PACRG: variants seen among roughly 807,000 people sequenced by gnomAD.
The protein encoded by PACRG is parkin coregulated, also known as parkin coregulated gene protein.
Under a neutral mutation model 29.7 loss-of-function variants are expected in PACRG, and 29 were observed. The ratio of observed to expected loss-of-function variants is 0.98; its 90% CI spans 0.73 to 1.33. The LOEUF is 1.33. Among genes scored for constraint, PACRG ranks in the 40% most tolerant of loss-of-function variants. The pLI is 0.00. For synonymous variants in PACRG, 116 were observed against 118.7 expected (o/e 0.98, Z 0.15); for missense variants, 279 against 316.2 (o/e 0.88, Z 0.89).
intron 4 of PACRG, chr6:163,310,723 T>G (rs1344016757): frequency 1.3e-5 from 2 of 152,214 alleles, no homozygotes; most frequent in Admixed American, 1.3e-4. Flanking sequence ...GCACACAGTC[T>G]AGAATTGAAA....
At chr6:163,084,208 T>C (rs1488311903) in intron 3 of PACRG, among the ~76,000 whole-genome samples, 1 of 152,220 alleles carries the variant, frequency 6.6e-6, no homozygotes, top group African/African-American at 2.4e-5. Context: ...TCCTCACTTA[T>C]GTCTTGACAA....
At chr6:163,034,151 C>T (rs1674932996) in intron 2 of PACRG, among the ~76,000 whole-genome samples, 1 of 152,180 alleles carries the variant, frequency 6.6e-6, no homozygotes, top group Admixed American at 6.5e-5. Context: ...GAAAGACCCA[C>T]CCATTGCAGC....
intron 4 of PACRG, among the ~76,000 whole-genome samples, chr6:163,186,895 T>C (rs1779965208): frequency 6.6e-6 from 1 of 152,198 alleles, no homozygotes; most frequent in African/African-American, 2.4e-5. Context: ...AAGACCAATT[T>C]GACGGTTGTT....
chr6:162,968,483 A>G (rs1287867824), intron 2 of PACRG, among the ~76,000 whole-genome samples: 1 of 152,210 alleles, frequency 6.6e-6, no homozygotes, highest in African/African-American at 2.4e-5. Context: ...AAGCAAGAAC[A>G]AAACAGCATT....
At chr6:163,303,890 C>T (rs1480692300) in intron 4 of PACRG, among the ~76,000 whole-genome samples, 1 of 151,532 alleles carries the variant, frequency 6.6e-6, no homozygotes. Flanking sequence ...GTGGCGGGCG[C>T]CTGTAATCTC....
chr6:162,933,039 T>C (rs565449426), intron 2 of PACRG, among the ~76,000 whole-genome samples: 1 of 152,080 alleles, frequency 6.6e-6, no homozygotes, highest in Non-Finnish European at 1.5e-5. Flanking sequence ...GTATCTCATA[T>C]GATTTGGTAT....
intron 4 of PACRG, among the ~76,000 whole-genome samples, chr6:163,146,261 G>A (rs1249033301): frequency 6.6e-6 from 1 of 152,116 alleles, no homozygotes; most frequent in Non-Finnish European, 1.5e-5. Context: ...ACCACTTCCT[G>A]ACCACAGCAA....
At chr6:162,783,316 C>T (rs886475649) in intron 1 of PACRG, among the ~76,000 whole-genome samples, 1 of 151,892 alleles carries the variant, frequency 6.6e-6, no homozygotes, top group African/African-American at 2.4e-5. Context: ...CAATAAAATA[C>T]ATTCAAGTGT....
At chr6:163,054,905 C>G (rs1330365631) in intron 2 of PACRG, among the ~76,000 whole-genome samples, 3 of 152,176 alleles carry the variant, frequency 2.0e-5, no homozygotes, top group Non-Finnish European at 4.4e-5. Context: ...CTGGCTGTCT[C>G]AGAACCAGCG....
intron 4 of PACRG, among the ~76,000 whole-genome samples, chr6:163,225,974 T>G (rs1585349090): frequency 6.6e-6 from 1 of 151,386 alleles, no homozygotes; most frequent in Non-Finnish European, 1.5e-5. Context: ...AGTGCAGGAG[T>G]TTCAGACCAG....
chr6:163,196,402 G>A (rs984376671), intron 4 of PACRG, among the ~76,000 whole-genome samples: 3 of 152,228 alleles, frequency 2.0e-5, no homozygotes, highest in Non-Finnish European at 4.4e-5. Flanking sequence ...GCTACTGGGA[G>A]CCTTACCTGT....
chr6:163,220,056 C>T (rs1221354928), intron 4 of PACRG, among the ~76,000 whole-genome samples: 1 of 152,200 alleles, frequency 6.6e-6, no homozygotes, highest in Non-Finnish European at 1.5e-5. Context: ...AGCTCTCTTT[C>T]TCCCTAGCAT....
chr6:162,775,166 TATAAC>T (rs1467108532), intron 1 of PACRG, among the ~76,000 whole-genome samples: 2 of 152,286 alleles, frequency 1.3e-5, no homozygotes, highest in Non-Finnish European at 2.9e-5. Context: ...AGTGAGAAGG[TATAAC>T]ATATGAACCA....
At chr6:162,897,537 A>T (rs990969361) in intron 2 of PACRG, among the ~76,000 whole-genome samples, 7 of 152,224 alleles carry the variant, frequency 4.6e-5, no homozygotes, top group Non-Finnish European at 1.0e-4. Context: ...ATGAATGTGT[A>T]TACGTAAGAA....
At chr6:163,108,102 T>C (rs1403838530) in intron 4 of PACRG, among the ~76,000 whole-genome samples, 1 of 152,206 alleles carries the variant, frequency 6.6e-6, no homozygotes, top group African/African-American at 2.4e-5. Flanking sequence ...CCAAATCTCA[T>C]GTCAAATTGT....
intron 1 of PACRG, among the ~76,000 whole-genome samples, chr6:162,749,735 G>C (rs1323025367): frequency 1.3e-5 from 2 of 152,080 alleles, no homozygotes; most frequent in Non-Finnish European, 2.9e-5. Flanking sequence ...GGCCAGGCTG[G>C]TCTCGAACTC....
intron 2 of PACRG, among the ~76,000 whole-genome samples, chr6:162,981,305 A>ATATATATATATATATATATTTTTTTTTT (rs925663285): frequency 2.7e-5 from 4 of 149,132 alleles, no homozygotes; most frequent in South Asian, 4.2e-4. Flanking sequence ...ATATATATAT[A>ATATATATATATATATATATTTTTTTTTT]TTTACAATGG....
intron 4 of PACRG, among the ~76,000 whole-genome samples, chr6:163,180,117 C>T (rs1044364636): frequency 4.6e-5 from 7 of 152,236 alleles, no homozygotes; most frequent in African/African-American, 1.7e-4. Flanking sequence ...CCTTTCCAAG[C>T]CATACATAAT....
At chr6:162,874,573 A>G (rs544170486) in intron 2 of PACRG, among the ~76,000 whole-genome samples, 11 of 152,264 alleles carry the variant, frequency 7.2e-5, no homozygotes, top group Admixed American at 6.5e-4. Context: ...GACCTGCACC[A>G]CAAGGCTGTT....
Sources: gnomAD v4.1 joint callset for allele counts (sites outside exome capture counted in the v4.1 genomes callset) on GRCh38, gnomAD v4.1.1 for gene constraint, MANE v1.5 for transcripts, NCBI Gene and HGNC (gene_info 2026-07-23, HGNC 2026-07-21) for gene names.